The following HERC4 variants were observed in gnomAD, a reference collection of about 807,000 sequenced individuals.
HERC4 encodes HECT and RLD domain containing E3 ubiquitin protein ligase 4.
Under a neutral mutation model 124.3 loss-of-function variants are expected in HERC4, and 28 were observed. That is an observed-to-expected ratio of 0.23 (90% CI 0.17 to 0.31). The LOEUF is 0.31. Ranked by LOEUF, HERC4 falls within the 10% of genes least tolerant of loss-of-function variation. The probability of loss-of-function intolerance (pLI) is 1.00; values close to 1 mark genes in which losing one functional copy is unlikely to be tolerated. For synonymous variants in HERC4, 407 were observed against 421.5 expected (o/e 0.97, Z 0.42); for missense variants, 713 against 1,229.3 (o/e 0.58, Z 6.28).
intron 16 of HERC4, chr10:67,961,206 C>T (rs2034495768): frequency 6.3e-6 from 1 of 158,086 alleles, no homozygotes; most frequent in Non-Finnish European, 1.4e-5. Flanking sequence ...CCTCAACATC[C>T]TCAGTAGTCA....
At chr10:68,043,221 A>G (rs1257729159) in intron 4 of HERC4, among the ~76,000 whole-genome samples, 2 of 152,210 alleles carry the variant, frequency 1.3e-5, no homozygotes, top group Non-Finnish European at 2.9e-5. Context: ...GAGTAAAAAT[A>G]AAGGAAACTA....
At chr10:67,947,706 C>T (rs116937276) in intron 19 of HERC4, among the ~76,000 whole-genome samples, 2 of 151,902 alleles carry the variant, frequency 1.3e-5, no homozygotes, top group East Asian at 3.9e-4. Context: ...TGTTAGGTCA[C>T]AAAACTTTCA....
At chr10:68,011,146 C>T (rs143005819) in intron 9 of HERC4, among the ~76,000 whole-genome samples, 27 of 152,216 alleles carry the variant, frequency 1.8e-4, no homozygotes, top group African/African-American at 6.3e-4. Context: ...CACTGTAAAC[C>T]TTCAACTCCT....
intron 3 of HERC4, among the ~76,000 whole-genome samples, chr10:68,058,372 A>C (rs1314391951): frequency 6.6e-6 from 1 of 152,210 alleles, no homozygotes; most frequent in Non-Finnish European, 1.5e-5. Flanking sequence ...GGCATAAATG[A>C]AAAGATCTGT....
chr10:67,964,256 A>G (rs914274481), intron 16 of HERC4, among the ~76,000 whole-genome samples: 2 of 152,066 alleles, frequency 1.3e-5, no homozygotes, highest in Non-Finnish European at 2.9e-5. Flanking sequence ...TTCACTGTCA[A>G]TTCTAAGGTT....
chr10:67,923,539 T>C lies in HERC4; in HGVS notation c.2942-400A>G, dbSNP rs184527582. Among the ~76,000 whole-genome samples the C allele has an allele frequency of 5.9e-5, 9 of 152,316 alleles. No homozygotes were observed. In the East Asian group the frequency reaches 7.7e-4, roughly 13 times the overall value. ...TGTTATTTTTTTTAAATCAGAAATT[T>C]ATAATGGGCAGCCAAAATTCAAATC... On this transcript the variant is annotated intron_variant, in intron 24 of 24. Coordinates refer to ENST00000373700, the MANE Select transcript of HERC4 (RefSeq NM_015601.4).
At chr10:68,042,362 C>T (rs1324098952) in intron 4 of HERC4, among the ~76,000 whole-genome samples, 4 of 152,176 alleles carry the variant, frequency 2.6e-5, no homozygotes, top group East Asian at 1.9e-4. Flanking sequence ...CAGTGGCTTA[C>T]GCCTGTAATC....
chr10:67,965,058 C>G (rs981027785), intron 16 of HERC4: 2 of 152,414 alleles, frequency 1.3e-5, no homozygotes, highest in African/African-American at 2.4e-5. Flanking sequence ...AGGCGTGAGC[C>G]ACCACACCTG....
intron 9 of HERC4, among the ~76,000 whole-genome samples, chr10:68,004,966 GTTTCA>G (rs2037452778): frequency 6.6e-6 from 1 of 152,190 alleles, no homozygotes; most frequent in East Asian, 1.9e-4. Flanking sequence ...GAGGGGTCTA[GTTTCA>G]TTCTTCTGCA....
chr10:68,033,724 T>C (rs891161218), intron 6 of HERC4, among the ~76,000 whole-genome samples: 2 of 152,228 alleles, frequency 1.3e-5, no homozygotes, highest in Non-Finnish European at 1.5e-5. Flanking sequence ...TTCAATTGTC[T>C]TTTAATAAAC....
intron 9 of HERC4, among the ~76,000 whole-genome samples, chr10:68,001,488 T>C (rs2037229888): frequency 6.6e-6 from 1 of 152,200 alleles, no homozygotes; most frequent in African/African-American, 2.4e-5. Context: ...GGGCTAGAAT[T>C]GGTAAATTAA....
At chr10:67,932,494 G>A (rs549195794) in intron 23 of HERC4, 103 bp downstream of exon 23, 2 of 927,764 alleles carry the variant, frequency 2.2e-6, no homozygotes, top group Non-Finnish European at 3.2e-6. Context: ...CCTGTAAAAT[G>A]GTAGTAATAA....
chr10:68,051,405 C>A (rs1031657102), intron 3 of HERC4, among the ~76,000 whole-genome samples: 3 of 145,008 alleles, frequency 2.1e-5, no homozygotes, highest in African/African-American at 7.7e-5. Context: ...AGTGCAGTGG[C>A]ACGATCTTGG....
chr10:68,069,559 C>G lies in HERC4; in HGVS notation c.226+3324G>C, dbSNP rs547109738. The G allele has an allele frequency of 7.1e-6, 7 of 985,414 alleles. No homozygotes were observed. The African/African-American group carries it at 1.2e-4, about 17-fold the overall frequency. 61.0% of individuals were successfully genotyped at this position (985,414 alleles called of 1,614,324 possible). A position where few individuals can be genotyped will look rare whatever the true frequency, so the allele number is the denominator to read the frequency against. ...ATAGGCCACAGGTTAAATCTATTCA[C>G]TACATTGTCAGGCCAAGTCCTCCAG... On this transcript the variant is annotated intron_variant, in intron 3 of 24. Transcript: ENST00000373700.
chr10:68,068,579 G>A (rs998131467), intron 3 of HERC4: 2 of 152,176 alleles, frequency 1.3e-5, no homozygotes, highest in Admixed American at 1.3e-4. Flanking sequence ...AGGATCACTT[G>A]AGCCCAGGAG....
intron 19 of HERC4, among the ~76,000 whole-genome samples, chr10:67,944,408 T>C (rs2033162548): frequency 6.6e-6 from 1 of 152,258 alleles, no homozygotes; most frequent in Non-Finnish European, 1.5e-5. Context: ...AATGCAGATA[T>C]GGCTGCAATG....
rs182510498 is a variant in HERC4, at chr10:68,016,227, T to A, written c.909-2041A>T. On this transcript the variant is annotated intron_variant, in intron 8 of 24. Transcript: ENST00000373700. ...GCTCGAAAGCACTTCATTATACTAC[T>A]GGAATGTAAACCTTTTTCTTTTGGA... Among the ~76,000 whole-genome samples, 4 of 152,364 alleles carry A rather than the reference T, an allele frequency of 2.6e-5. No individual in the cohort carries two copies. In the East Asian group the frequency reaches 7.7e-4, roughly 29 times the overall value.
At chr10:67,952,245 G>A (rs969580821) in intron 19 of HERC4, among the ~76,000 whole-genome samples, 1 of 152,036 alleles carries the variant, frequency 6.6e-6, no homozygotes, top group Non-Finnish European at 1.5e-5. Context: ...AAACCAAAAC[G>A]TGATTAAAAT....
intron 4 of HERC4, chr10:68,039,519 A>C: frequency 6.5e-7 from 1 of 1,549,994 alleles, no homozygotes; most frequent in Non-Finnish European, 8.7e-7. Flanking sequence ...AGCAGGAAAA[A>C]GGAGAGTTAC....
Sources: gnomAD v4.1 joint callset for allele counts (sites outside exome capture counted in the v4.1 genomes callset) on GRCh38, gnomAD v4.1.1 for gene constraint, MANE v1.5 for transcripts, NCBI Gene and HGNC (gene_info 2026-07-23, HGNC 2026-07-21) for gene names.